The following DNAH1 variants were observed in gnomAD, a reference collection of about 807,000 sequenced individuals.
DNAH1 encodes the protein axonemal beta dynein heavy chain 1.
DNAH1 carries 327 observed loss-of-function variants against 484.3 expected under a neutral mutation model. The ratio of observed to expected loss-of-function variants is 0.68; its 90% CI spans 0.62 to 0.74. DNAH1 has a LOEUF of 0.74. Ranked by LOEUF, DNAH1 falls within the 30% of genes least tolerant of loss-of-function variation. DNAH1 has a pLI of 0.00. For synonymous variants in DNAH1, 2,192 were observed against 2,191.9 expected (o/e 1.00, Z 0.00); for missense variants, 5,052 against 5,546.8 (o/e 0.91, Z 2.83).
chr3:52,374,919 G>T (rs1358077731), intron 44 of DNAH1: 13 of 804,288 alleles, frequency 1.6e-5, no homozygotes, highest in African/African-American at 5.9e-5. Context: ...AAAACGTCCA[G>T]GGTTACTTGA....
Position 52,363,155 on chromosome 3 carries a change from G to T in DNAH1, c.5244+11G>T, listed in dbSNP as rs907243510. 6.2e-7 allele frequency: 1 copy of T among 1,611,710 alleles called. No homozygotes were observed. Among genetic ancestry groups the T allele is most frequent in the East Asian group, 2.2e-5 (1 of 44,844 alleles). The stretch of plus-strand genomic sequence containing the variant: ...CAGCTCAGCTCCCAGGTGTGGTCCT[G>T]CCCTGATGGGTTTCCAGGGTCTGAA... On this transcript the variant is annotated intron_variant, in intron 32 of 77. Coordinates refer to ENST00000420323, the MANE Select transcript of DNAH1 (RefSeq NM_015512.5).
intron 41 of DNAH1, among the ~76,000 whole-genome samples, chr3:52,371,639 C>G (rs1241449863): frequency 2.0e-5 from 3 of 152,260 alleles, no homozygotes. Flanking sequence ...CTCGGAGCTT[C>G]TCCTTTCTGC....
chr3:52,385,929 C>T (rs142252798), intron 54 of DNAH1, among the ~76,000 whole-genome samples: 1 of 152,310 alleles, frequency 6.6e-6, no homozygotes, highest in African/African-American at 2.4e-5. Context: ...CTTAGGGGGC[C>T]CTGCCTGTGG....
rs375456476 is a variant in DNAH1, at chr3:52,362,980, C to A, written c.5095-15C>A. 2.1e-5 allele frequency: 34 copies of A among 1,613,680 alleles called. No individual in the cohort carries two copies. The highest frequency in any genetic ancestry group is 3.3e-5 in the Admixed American group (2 of 60,002). ...GAGCTCTGTTTGCTGTTCACATGTG[C>A]ACTGTGTGTCCCAGGCGCTCTTCCG... On this transcript the variant is annotated splice_polypyrimidine_tract_variant and intron_variant, in intron 31 of 77. Coordinates refer to ENST00000420323, the MANE Select transcript of DNAH1 (RefSeq NM_015512.5). The surrounding 1 kb of genome is among the most constrained non-coding windows in gnomAD (Gnocchi z 5.1).
intron 32 of DNAH1, among the ~76,000 whole-genome samples, chr3:52,363,480 C>T (rs768025105): frequency 6.6e-6 from 1 of 152,184 alleles, no homozygotes; most frequent in Non-Finnish European, 1.5e-5. Context: ...GGAGCAAGTG[C>T]ACCTGGGCCT....
At chr3:52,394,105 G>C (rs1193772119) in intron 66 of DNAH1, among the ~76,000 whole-genome samples, 2 of 152,362 alleles carry the variant, frequency 1.3e-5, no homozygotes, top group African/African-American at 4.8e-5. Flanking sequence ...GAAGCCCTAT[G>C]CATTTCGTGG....
In DNAH1 at chr3:52,370,632, A is replaced by G; in HGVS notation, c.6414A>G (p.Glu2138=). ...SHWLRLKMEN[E]QLTLLFPEEG... is the part of the protein sequence containing the mutation. ...GGCTAAGGCTCAAGATGGAGAACGA[A>G]CAGGTGAGAGCCGGCGGCCCCCAGG... Residue 2138 remains glutamate (E), a synonymous_variant, in exon 40 of 78, where the codon GAA becomes GAG. Coordinates refer to ENST00000420323, the MANE Select transcript of DNAH1 (RefSeq NM_015512.5). 1 of 1,610,536 alleles carries G rather than the reference A, an allele frequency of 6.2e-7. No homozygotes were observed. Among genetic ancestry groups the G allele is most frequent in the Non-Finnish European group, 8.5e-7 (1 of 1,178,388 alleles).
intron 10 of DNAH1, among the ~76,000 whole-genome samples, chr3:52,346,180 A>G (rs752448532): frequency 1.3e-5 from 2 of 151,866 alleles, no homozygotes; most frequent in African/African-American, 2.4e-5. Context: ...TCTCATCTCA[A>G]TCTCTGGGTC....
At position 52,350,994 on chromosome 3, in the gene DNAH1, T is replaced by A. The variant is rs142747240; in HGVS notation, c.2729+404T>A. Among the ~76,000 whole-genome samples, 569 of 152,294 alleles carry A rather than the reference T, an allele frequency of 3.7e-3. 4 individuals are homozygous for A. The highest frequency in any genetic ancestry group is 0.023 in the South Asian group (112 of 4,830). On this transcript the variant is annotated intron_variant, in intron 16 of 77. Transcript: ENST00000420323. ...CCTCCTGAGTAGCTGGGATTACAGG[T>A]GCCCACCACCATGCCCGGCTAATTT...
chr3:52,331,342 C>G (rs778756265), intron 7 of DNAH1, 33 bp downstream of exon 7: 15 of 1,582,430 alleles, frequency 9.5e-6, no homozygotes, highest in Non-Finnish European at 1.3e-5. Context: ...CAGGCAGAAC[C>G]CCAGCTTGGG....
At chr3:52,385,708 T>G (rs561436261) in intron 54 of DNAH1, among the ~76,000 whole-genome samples, 3 of 152,046 alleles carry the variant, frequency 2.0e-5, no homozygotes, top group South Asian at 4.2e-4. Context: ...CAACCCGGAG[T>G]CTGCCCAGCA....
In DNAH1 at chr3:52,365,022, G is replaced by A. The variant is rs202242747; in HGVS notation, c.5518+3G>A. 84 of 1,606,170 alleles carry A rather than the reference G, an allele frequency of 5.2e-5. No homozygotes were observed. Among genetic ancestry groups the A allele is most frequent in the Middle Eastern group, 1.7e-4 (1 of 6,052 alleles). ...CAGCAACCTCAAGGATGTGGAGGGTGAGCCTCGGGCCCTGAGTGTTCGTGG... is the reference window on the plus strand; with the variant it reads ...CAGCAACCTCAAGGATGTGGAGGGTAAGCCTCGGGCCCTGAGTGTTCGTGG... On this transcript the variant is annotated splice_donor_region_variant and intron_variant, in intron 34 of 77. Transcript: ENST00000420323.
At position 52,371,946 on chromosome 3, in the gene DNAH1, G is replaced by T. The variant is rs754348808; in HGVS notation, c.6526G>T (p.Val2176Phe). Residue 2176 changes from valine (V) to phenylalanine (F), a missense_variant and splice_region_variant, in exon 42 of 78, where the codon GTT (valine) becomes TTT (phenylalanine). Around this residue, in one of 4 missense-constraint regions of DNAH1, gnomAD observed 2,929 missense variants for 3,409.4 expected, o/e 0.86. Coordinates refer to ENST00000420323, the MANE Select transcript of DNAH1 (RefSeq NM_015512.5). ...ACTGCTGAGCCACCTATGATTCCAG[G>T]TTGCCTGGGTGAAGTGGATGGACTC... ...SEDEEEEYKQVAWVKWMDSSA... is the reference protein window; with the variant it reads ...SEDEEEEYKQFAWVKWMDSSA... 4 of 1,613,272 alleles carry T rather than the reference G, an allele frequency of 2.5e-6. No homozygotes were observed. The highest frequency in any genetic ancestry group is 2.2e-5 in the East Asian group (1 of 44,874).
At chr3:52,372,457 C>A in intron 43 of DNAH1, 70 bp downstream of exon 43, 1 of 1,581,174 alleles carries the variant, frequency 6.3e-7, no homozygotes. Context: ...GCTGTCCCAC[C>A]TCTCCACCAA....
At chr3:52,311,924 C>G (rs1039224906), upstream of DNAH1, among the ~76,000 whole-genome samples, 10 of 152,244 alleles carry the variant, frequency 6.6e-5, no homozygotes, top group African/African-American at 2.4e-4. Context: ...TGGGCAGCAC[C>G]TGCTCCCTGG....
chr3:52,335,151 A>AT lies in DNAH1; in HGVS notation c.1286+2775dup, dbSNP rs35061562. Among the ~76,000 whole-genome samples the AT allele has an allele frequency of 7.5e-3, 601 of 80,078 alleles. 5 individuals are homozygous for AT. The highest frequency in any genetic ancestry group is 0.016 in the African/African-American group (304 of 19,084). The allele number at this position is 80,078 out of a possible 152,430, so 52.5% of individuals were successfully genotyped here. On this transcript the variant is annotated intron_variant, in intron 8 of 77. Coordinates refer to ENST00000420323, the MANE Select transcript of DNAH1 (RefSeq NM_015512.5). ...TTTTAAACAAAAAAAGCAATGTGTG[A>AT]TTTTTTTTTTTTTTTTTTGCTTCTC...
upstream of DNAH1, among the ~76,000 whole-genome samples, chr3:52,313,652 A>C (rs972804123): frequency 6.6e-6 from 1 of 151,918 alleles, no homozygotes; most frequent in Non-Finnish European, 1.5e-5. Context: ...GGTGATGGGG[A>C]GGAGGGCTGC....
In DNAH1 at chr3:52,359,294, G is replaced by T. The variant is rs768831672; in HGVS notation, c.4315G>T (p.Ala1439Ser). Residue 1439 changes from alanine (A) to serine (S), a missense_variant, in exon 26 of 78, where the codon GCT (alanine) becomes TCT (serine). Physicochemically the swap from Ala to Ser is moderately conservative, Grantham distance 99. This residue lies in a region of DNAH1 where 2,929 missense variants were observed against 3,409.4 expected (regional missense o/e 0.86). Transcript: ENST00000420323. ...VLNWPGQVTIAGCQTYWTMEV... is the reference protein window; with the variant it reads ...VLNWPGQVTISGCQTYWTMEV... ...GAACTGGCCTGGCCAGGTGACCATC[G>T]CTGGGTGCCAGACCTACTGGACCAT... is the stretch of plus-strand genomic sequence containing the variant. The T allele has an allele frequency of 4.5e-6, 7 of 1,568,868 alleles. No individual in the cohort carries two copies. In the African/African-American group the frequency reaches 9.5e-5, roughly 21 times the overall value.
chr3:52,392,601 G>A lies in DNAH1; in HGVS notation c.10190G>A (p.Arg3397Gln), dbSNP rs576109373. ...LKDIEDQILY[R>Q]LSSSEGNPVD... ...GACATTGAGGACCAGATCCTGTACCGGCTCAGCTCCTCCGAGGGCAACCCT... is the reference window on the plus strand; with the variant it reads ...GACATTGAGGACCAGATCCTGTACCAGCTCAGCTCCTCCGAGGGCAACCCT... Residue 3397 changes from arginine (R) to glutamine (Q), a missense_variant, in exon 64 of 78, where the codon CGG (arginine) becomes CAG (glutamine). Arg to Gln is a conservative substitution (Grantham distance 43). Transcript: ENST00000420323. 23 of 1,613,836 alleles carry A rather than the reference G, an allele frequency of 1.4e-5. No homozygotes were observed. The highest frequency in any genetic ancestry group is 1.1e-4 in the East Asian group (5 of 44,878).
Sources: gnomAD v4.1 joint callset for allele counts (sites outside exome capture counted in the v4.1 genomes callset) on GRCh38, gnomAD v4.1.1 for gene constraint, gnomAD v4.1.1 regional missense constraint, Gnocchi (gnomAD v3.1) non-coding constraint, MANE v1.5 for transcripts, NCBI Gene and HGNC (gene_info 2026-07-23, HGNC 2026-07-21) for gene names.